The following SH3PXD2A variants were observed in gnomAD, a reference collection of about 807,000 sequenced individuals.
The protein encoded by SH3PXD2A is SH3 and PX domains 2A, also known as SH3 and PX domain-containing protein 2A.
Under a neutral mutation model 115.2 loss-of-function variants are expected in SH3PXD2A, and 32 were observed. The observed-to-expected ratio is 0.28, with a 90% CI of 0.21 to 0.37. The LOEUF (loss-of-function observed/expected upper bound fraction) is 0.37. SH3PXD2A is among the 10% of genes least tolerant of loss of function. The probability of loss-of-function intolerance (pLI) is 1.00; values close to 1 mark genes in which losing one functional copy is unlikely to be tolerated. For synonymous variants in SH3PXD2A, 610 were observed against 629.1 expected, an observed-to-expected ratio of 0.97 and a Z score of 0.45; for missense variants, 1,328 against 1,498.7, an observed-to-expected ratio of 0.89 and a Z score of 1.88.
chr10:103,602,824 C>T lies in SH3PXD2A; in HGVS notation c.2394G>A (p.Glu798=). 2 of 1,614,180 alleles carry T rather than the reference C, an allele frequency of 1.2e-6. No individual in the cohort carries two copies. The highest frequency in any genetic ancestry group is 8.5e-7 in the Non-Finnish European group (1 of 1,180,020). The change falls in exon 15 of 15, where the codon GAG becomes GAA. Residue 798 remains glutamate (E), a synonymous_variant. Coordinates refer to ENST00000369774, the MANE Select transcript of SH3PXD2A (RefSeq NM_001394015.1). The part of the protein sequence containing the change: ...LRGGLKGSKS[E]DSELPPQTAS... ...CCGTCTGCGGGGGCAGCTCCGAATC[C>T]TCACTCTTGGAGCCCTTGAGCCCTC...
intron 2 of SH3PXD2A, among the ~76,000 whole-genome samples, chr10:103,772,433 A>C (rs2038833584): frequency 6.6e-6 from 1 of 152,218 alleles, no homozygotes. Context: ...CTTTGCAGGC[A>C]GGAAGCAGAT....
At chr10:103,670,841 A>T (rs1034786681) in intron 6 of SH3PXD2A, among the ~76,000 whole-genome samples, 4 of 152,250 alleles carry the variant, frequency 2.6e-5, no homozygotes, top group African/African-American at 9.6e-5. Context: ...TTAAGCTGGT[A>T]TGGCCAAGGA....
chr10:103,619,626 C>A (rs762311294), intron 10 of SH3PXD2A, among the ~76,000 whole-genome samples: 1 of 152,154 alleles, frequency 6.6e-6, no homozygotes, highest in Non-Finnish European at 1.5e-5. Context: ...CCCCAGCCTT[C>A]GCAGCCTCCC....
In SH3PXD2A at chr10:103,784,532, C is replaced by T. The variant is rs1200584638; in HGVS notation, c.153+16750G>A. Among the ~76,000 whole-genome samples the T allele has an allele frequency of 1.3e-5, 2 of 152,196 alleles. No homozygotes were observed. The highest frequency in any genetic ancestry group is 2.9e-5 in the Non-Finnish European group (2 of 68,044). On this transcript the variant is annotated intron_variant, in intron 2 of 14. Transcript: ENST00000369774. This position sits in a 1 kb window ranked among gnomAD's most constrained non-coding sequence, Gnocchi z 4.4. Reference sequence around the variant, plus strand: ...TATTCACGTGTTAAATCTGGGCAGTCGGTCCTCTCATGCCTGTGATATCAT... The same window carrying T: ...TATTCACGTGTTAAATCTGGGCAGTTGGTCCTCTCATGCCTGTGATATCAT...
intron 8 of SH3PXD2A, among the ~76,000 whole-genome samples, chr10:103,630,588 C>A (rs2036763622): frequency 6.6e-6 from 1 of 151,866 alleles, no homozygotes; most frequent in African/African-American, 2.4e-5. Context: ...GGGTGAGAAG[C>A]CTGAGAATTA....
At chr10:103,736,259 G>A (rs1415487145) in intron 3 of SH3PXD2A, among the ~76,000 whole-genome samples, 1 of 152,228 alleles carries the variant, frequency 6.6e-6, no homozygotes, top group East Asian at 1.9e-4. Context: ...TAGTTTAGGT[G>A]GGTGGCTCCT....
Position 103,820,622 on chromosome 10 carries a change from G to A in SH3PXD2A, c.73-19260C>T, listed in dbSNP as rs1325190155. 2.0e-5 allele frequency among the ~76,000 whole-genome samples: 3 copies of A among 152,062 alleles called. No individual in the cohort carries two copies. The East Asian group carries it at 5.8e-4, about 30-fold the overall frequency. On this transcript the variant is annotated intron_variant, in intron 1 of 14. Coordinates refer to ENST00000369774, the MANE Select transcript of SH3PXD2A (RefSeq NM_001394015.1). ...TGCTTGGCCAGAGCCCACCCCCAGT[G>A]AGCCTGTCCCCTCCCCACACCCTTG...
chr10:103,598,419 G>A lies in SH3PXD2A; in HGVS notation c.*3397C>T, dbSNP rs2036164676. 1 of 152,546 alleles carries A rather than the reference G, an allele frequency of 6.6e-6. No homozygotes were observed. The highest frequency in any genetic ancestry group is 1.5e-5 in the Non-Finnish European group (1 of 68,020). The allele number at this position is 152,546 out of a possible 1,614,324, so 9.4% of individuals were successfully genotyped here. A position where few individuals can be genotyped will look rare whatever the true frequency, so the allele number is the denominator to read the frequency against. On this transcript the variant is annotated 3_prime_UTR_variant, in exon 15 of 15. Coordinates refer to ENST00000369774, the MANE Select transcript of SH3PXD2A (RefSeq NM_001394015.1). ...GGGGAGATGACATTTTTTTCCCCTT[G>A]CAATAAAAGAAAAAGGTCTTGAAAC...
chr10:103,759,718 A>C (rs1048318896), intron 3 of SH3PXD2A, among the ~76,000 whole-genome samples: 1 of 152,244 alleles, frequency 6.6e-6, no homozygotes, highest in African/African-American at 2.4e-5. Flanking sequence ...CTCGGGATAC[A>C]CAGGAAATCT....
intron 3 of SH3PXD2A, among the ~76,000 whole-genome samples, chr10:103,764,937 T>C (rs2038737796): frequency 6.6e-6 from 1 of 152,168 alleles, no homozygotes. Flanking sequence ...ATGTAAATTG[T>C]GGTGTAAAAT....
At chr10:103,706,996 A>C (rs1235115399) in intron 5 of SH3PXD2A, among the ~76,000 whole-genome samples, 1 of 152,122 alleles carries the variant, frequency 6.6e-6, no homozygotes, top group Non-Finnish European at 1.5e-5. Flanking sequence ...CCCTGGCATC[A>C]CAGTGGAGCC....
intron 1 of SH3PXD2A, among the ~76,000 whole-genome samples, chr10:103,853,018 C>G (rs1490149626): frequency 6.6e-6 from 1 of 152,180 alleles, no homozygotes; most frequent in African/African-American, 2.4e-5. Flanking sequence ...AATTCCACAA[C>G]ATGTAACACT....
chr10:103,826,165 A>G (rs1178565737), intron 1 of SH3PXD2A, among the ~76,000 whole-genome samples: 1 of 152,174 alleles, frequency 6.6e-6, no homozygotes, highest in Non-Finnish European at 1.5e-5. Context: ...CAAATCACAA[A>G]TTGGCCTGCT....
At chr10:103,631,359 CAA>C (rs2133965305) in intron 8 of SH3PXD2A, among the ~76,000 whole-genome samples, 1 of 152,254 alleles carries the variant, frequency 6.6e-6, no homozygotes, top group South Asian at 2.1e-4. Flanking sequence ...ACAATTATAA[CAA>C]TATGCTGTAA....
intron 8 of SH3PXD2A, among the ~76,000 whole-genome samples, chr10:103,639,949 G>A (rs1427052162): frequency 6.6e-6 from 1 of 152,174 alleles, no homozygotes; most frequent in Non-Finnish European, 1.5e-5. Flanking sequence ...CTCAGAGGTG[G>A]AGCCCTGAGG....
At chr10:103,607,600 A>C (rs2036342008) in intron 13 of SH3PXD2A, among the ~76,000 whole-genome samples, 1 of 150,128 alleles carries the variant, frequency 6.7e-6, no homozygotes, top group African/African-American at 2.5e-5. Flanking sequence ...GGCCGCCCCT[A>C]CTGGGCAGTG....
intron 14 of SH3PXD2A, 112 bp from the exon 15 acceptor site, chr10:103,603,901 G>T: frequency 8.1e-7 from 1 of 1,238,950 alleles, no homozygotes; most frequent in Non-Finnish European, 1.1e-6. Context: ...CCATTTTACA[G>T]ATAATAAACC....
chr10:103,638,532 G>A (rs1261898853), intron 8 of SH3PXD2A, among the ~76,000 whole-genome samples: 1 of 152,252 alleles, frequency 6.6e-6, no homozygotes, highest in Non-Finnish European at 1.5e-5. Context: ...ACAGGTAGCG[G>A]AGAATGGTTT....
intron 1 of SH3PXD2A, among the ~76,000 whole-genome samples, chr10:103,836,587 C>A (rs1358312285): frequency 1.3e-5 from 2 of 151,748 alleles, no homozygotes; most frequent in Non-Finnish European, 2.9e-5. Context: ...ATCCAACACA[C>A]ACAGTCCACA....
Sources: gnomAD v4.1 joint callset for allele counts (sites outside exome capture counted in the v4.1 genomes callset) on GRCh38, gnomAD v4.1.1 for gene constraint, Gnocchi (gnomAD v3.1) non-coding constraint, MANE v1.5 for transcripts, NCBI Gene and HGNC (gene_info 2026-07-23, HGNC 2026-07-21) for gene names.